TMEM51: variants seen among roughly 807,000 people sequenced by gnomAD.
TMEM51 encodes transmembrane protein 51.
A neutral mutation model predicts 13.6 loss-of-function variants in TMEM51; 8 were observed. That is an observed-to-expected ratio of 0.59 (90% CI 0.35 to 1.07). The LOEUF is 1.07. Among genes scored for constraint, TMEM51 ranks in the 50% least tolerant of loss-of-function variants. The pLI is 0.02. For missense variants in TMEM51, 279 were observed against 330.7 expected, an observed-to-expected ratio of 0.84 and a Z score of 1.21; for synonymous variants, 147 against 144.4, an observed-to-expected ratio of 1.02 and a Z score of -0.13.
chr1:15,171,102 T>TCC, intron 1 of TMEM51: 1 of 692,844 alleles, frequency 1.4e-6, no homozygotes, highest in Non-Finnish European at 2.2e-6. Context: ...TCCCTCCTCC[T>TCC]CCACCCCCCG....
rs1557859633 is a variant in TMEM51 at position 15,214,992 on chromosome 1, T to C, written c.-96T>C. 8.5e-7 allele frequency: 1 copy of C among 1,181,774 alleles called. No individual in the cohort carries two copies. Among genetic ancestry groups the C allele is most frequent in the South Asian group, 1.5e-5 (1 of 66,700 alleles). The allele number at this position is 1,181,774 out of a possible 1,614,324, so 73.2% of individuals were successfully genotyped here. On this transcript the variant is annotated 5_prime_UTR_variant, in exon 3 of 4. Transcript: ENST00000376008. ...TATTTTCTAGTGTGGGGCGAGAGAT[T>C]TTGTGGAGCGCATTTAAGGGGTTTT...
At chr1:15,165,821 T>G (rs1052727427) in intron 1 of TMEM51, among the ~76,000 whole-genome samples, 1 of 152,110 alleles carries the variant, frequency 6.6e-6, no homozygotes, top group Non-Finnish European at 1.5e-5. Context: ...ATACGAAAGA[T>G]TGTTCATTGT....
At chr1:15,215,454 C>G (rs1644416231) in intron 3 of TMEM51, 23 bp downstream of exon 3, 6 of 1,567,498 alleles carry the variant, frequency 3.8e-6, no homozygotes, top group Admixed American at 1.8e-5. Context: ...TGTCCCCTTC[C>G]CTCCCCGGAT....
At chr1:15,217,191 C>A (rs1018426187) in intron 3 of TMEM51, among the ~76,000 whole-genome samples, 17 of 151,932 alleles carry the variant, frequency 1.1e-4, no homozygotes, top group African/African-American at 4.1e-4. Flanking sequence ...GGGTACACAC[C>A]AGAAGAAAAA....
chr1:15,159,033 C>G (rs1187035395), intron 1 of TMEM51, among the ~76,000 whole-genome samples: 3 of 152,222 alleles, frequency 2.0e-5, no homozygotes, highest in Non-Finnish European at 4.4e-5. Context: ...TCCGGTTATA[C>G]TGTGATCCTG....
At chr1:15,192,160 C>T in intron 1 of TMEM51, 1 of 413,652 alleles carries the variant, frequency 2.4e-6, no homozygotes. Flanking sequence ...AGACCGTGCC[C>T]TCTTTAGTCT....
rs1186724712 is a variant in TMEM51, at chr1:15,215,080, C to T, written c.-8C>T. ...CTTGGAACTGGGCCTCGCCCTCCTCCCACTGACATGATGGCCCAGTCCAAG... is the reference window on the plus strand; with the variant it reads ...CTTGGAACTGGGCCTCGCCCTCCTCTCACTGACATGATGGCCCAGTCCAAG... On this transcript the variant is annotated 5_prime_UTR_variant, in exon 3 of 4. Coordinates refer to ENST00000376008, the MANE Select transcript of TMEM51 (RefSeq NM_001136218.2). 1.4e-5 allele frequency: 23 copies of T among 1,597,510 alleles called. No individual in the cohort carries two copies. Among genetic ancestry groups the T allele is most frequent in the Non-Finnish European group, 1.9e-5 (22 of 1,168,042 alleles).
intron 1 of TMEM51, among the ~76,000 whole-genome samples, chr1:15,189,297 C>T (rs1643881278): frequency 6.8e-6 from 1 of 147,372 alleles, no homozygotes; most frequent in Non-Finnish European, 1.5e-5. Flanking sequence ...CTCAGGTGAT[C>T]CACCTGCCTC....
intron 1 of TMEM51, among the ~76,000 whole-genome samples, chr1:15,208,973 T>C (rs2100339093): frequency 6.6e-6 from 1 of 152,218 alleles, no homozygotes; most frequent in South Asian, 2.1e-4. Flanking sequence ...TTGTAATGAA[T>C]AGTATAATAA....
At chr1:15,156,384 C>T (rs1393476981) in intron 1 of TMEM51, among the ~76,000 whole-genome samples, 1 of 152,210 alleles carries the variant, frequency 6.6e-6, no homozygotes, top group East Asian at 1.9e-4. Context: ...CCTCAGGCTT[C>T]TTGGGCTGGA....
intron 2 of TMEM51, among the ~76,000 whole-genome samples, chr1:15,210,920 C>T (rs927749128): frequency 3.3e-5 from 5 of 152,150 alleles, no homozygotes; most frequent in African/African-American, 9.7e-5. Context: ...TCTACAGACC[C>T]CATAGACCCA....
At chr1:15,197,842 G>A (rs1644080408) in intron 1 of TMEM51, among the ~76,000 whole-genome samples, 1 of 151,054 alleles carries the variant, frequency 6.6e-6, no homozygotes, top group African/African-American at 2.4e-5. Flanking sequence ...CTCCAGCTCT[G>A]AAACTATGTC....
intron 1 of TMEM51, among the ~76,000 whole-genome samples, chr1:15,187,063 G>A (rs745962795): frequency 6.6e-6 from 1 of 152,140 alleles, no homozygotes; most frequent in African/African-American, 2.4e-5. Context: ...GCACTGGGCC[G>A]GGCCCTCCAG....
Position 15,161,788 on chromosome 1 carries a change from G to A in TMEM51, c.-267+7834G>A, listed in dbSNP as rs140144941. ...TACTAAAAATACAAAAATTAGCCAG[G>A]CATGGTGGCGGGCACCTGTAGTCCC... On this transcript the variant is annotated intron_variant, in intron 1 of 3. Transcript: ENST00000376008. The surrounding 1 kb of genome is among the most constrained non-coding windows in gnomAD (Gnocchi z 4.0). Among the ~76,000 whole-genome samples the A allele has an allele frequency of 1.3e-3, 203 of 151,964 alleles. 1 individual carries two copies. The highest frequency in any genetic ancestry group is 6.8e-3 in the Middle Eastern group (2 of 292).
chr1:15,168,382 G>T, intron 1 of TMEM51: 1 of 1,157,346 alleles, frequency 8.6e-7, no homozygotes, highest in African/African-American at 1.6e-5. Flanking sequence ...AAAGAAGGAA[G>T]GAAGGACTGT....
chr1:15,202,827 A>G (rs1644182078), intron 1 of TMEM51, among the ~76,000 whole-genome samples: 2 of 152,270 alleles, frequency 1.3e-5, no homozygotes, highest in South Asian at 2.1e-4. Context: ...TCAGCCTCCC[A>G]TGTGCCTGTT....
chr1:15,214,836 C>T (rs1644398803), intron 2 of TMEM51, 59 bp from the exon 3 acceptor site: 7 of 500,308 alleles, frequency 1.4e-5, no homozygotes, highest in Non-Finnish European at 2.5e-5. Context: ...CCGCCACATT[C>T]ACAAAGCGTC....
chr1:15,207,892 TTCCTGCAAGTTAGCTTTTATTAA>T lies in TMEM51; in HGVS notation c.-266-2593_-266-2571del, dbSNP rs1644278705. Among the ~76,000 whole-genome samples the T allele has an allele frequency of 6.6e-6, 1 of 152,270 alleles. No homozygotes were observed. The highest frequency in any genetic ancestry group is 2.4e-5 in the African/African-American group (1 of 41,478). On this transcript the variant is annotated intron_variant, in intron 1 of 3. Transcript: ENST00000376008. This position sits in a 1 kb window ranked among gnomAD's most constrained non-coding sequence, Gnocchi z 4.6. The stretch of plus-strand genomic sequence containing the variant: ...GATACAAGATTTGGGTATCTGGATC[TTCCTGCAAGTTAGCTTTTATTAA>T]TCCTCTCCCCTTCAGGCTTGGACTG...
At chr1:15,201,814 G>A (rs1644161341) in intron 1 of TMEM51, among the ~76,000 whole-genome samples, 1 of 152,114 alleles carries the variant, frequency 6.6e-6, no homozygotes, top group Admixed American at 6.6e-5. Context: ...TCCAGATATG[G>A]GCAGGACAAA....
Sources: gnomAD v4.1 joint callset for allele counts (sites outside exome capture counted in the v4.1 genomes callset) on GRCh38, gnomAD v4.1.1 for gene constraint, Gnocchi (gnomAD v3.1) non-coding constraint, MANE v1.5 for transcripts, NCBI Gene and HGNC (gene_info 2026-07-23, HGNC 2026-07-21) for gene names.